Variants in SPIDR observed in about 807,000 individuals in gnomAD.
SPIDR encodes scaffold protein involved in DNA repair, also known as DNA repair-scaffolding protein.
Under a neutral mutation model 104.6 loss-of-function variants are expected in SPIDR, and 93 were observed. That is an observed-to-expected ratio of 0.89 (90% CI 0.75 to 1.06). The LOEUF (loss-of-function observed/expected upper bound fraction) is 1.06. Among genes scored for constraint, SPIDR ranks in the 50% least tolerant of loss-of-function variants. The pLI is 0.00. For synonymous variants in SPIDR, 431 were observed against 416.9 expected (o/e 1.03, Z -0.41); for missense variants, 1,154 against 1,111.2 (o/e 1.04, Z -0.55).
intron 16 of SPIDR, among the ~76,000 whole-genome samples, chr8:47,720,460 G>C (rs548407690): frequency 6.6e-6 from 1 of 152,350 alleles, no homozygotes; most frequent in Admixed American, 6.5e-5. Flanking sequence ...AGCTCCTCTT[G>C]ATCCACATCC....
chr8:47,712,043 C>T (rs11992284), intron 14 of SPIDR, among the ~76,000 whole-genome samples: 3,012 of 152,178 alleles, frequency 0.02, 99 homozygotes, highest in African/African-American at 0.068. Context: ...CATCCTTGGC[C>T]CCATTTGCGT....
chr8:47,349,131 T>C (rs2052864860), intron 5 of SPIDR, among the ~76,000 whole-genome samples: 1 of 152,062 alleles, frequency 6.6e-6, no homozygotes, highest in Non-Finnish European at 1.5e-5. Flanking sequence ...ACAGATGGGG[T>C]TTTAGTGTGG....
intron 11 of SPIDR, among the ~76,000 whole-genome samples, chr8:47,690,467 A>C (rs893642317): frequency 6.7e-6 from 1 of 149,388 alleles, no homozygotes; most frequent in Admixed American, 6.7e-5. Flanking sequence ...TTATTTTTAT[A>C]TAATTTATAT....
At chr8:47,541,137 G>C (rs2088040265) in intron 8 of SPIDR, among the ~76,000 whole-genome samples, 1 of 152,202 alleles carries the variant, frequency 6.6e-6, no homozygotes. Context: ...TGGGATTACA[G>C]GCACGAGCCA....
At chr8:47,684,238 C>T (rs1468796606) in intron 11 of SPIDR, among the ~76,000 whole-genome samples, 1 of 151,230 alleles carries the variant, frequency 6.6e-6, no homozygotes, top group Non-Finnish European at 1.5e-5. Flanking sequence ...GAAGTGTTCT[C>T]AAAAGTGACT....
At chr8:47,387,537 A>G (rs2060097968) in intron 5 of SPIDR, among the ~76,000 whole-genome samples, 1 of 152,318 alleles carries the variant, frequency 6.6e-6, no homozygotes, top group East Asian at 1.9e-4. Context: ...TGAATTGAAT[A>G]TCAAGGGACT....
chr8:47,689,495 T>C (rs1010097155), intron 11 of SPIDR, among the ~76,000 whole-genome samples: 3 of 152,234 alleles, frequency 2.0e-5, no homozygotes, highest in African/African-American at 7.2e-5. Flanking sequence ...GATGAGGAGC[T>C]TGAAGCTCAT....
chr8:47,713,515 G>C lies in SPIDR; in HGVS notation c.2215G>C (p.Val739Leu), dbSNP rs1264092678. The C allele has an allele frequency of 1.9e-6, 3 of 1,614,152 alleles. No homozygotes were observed. The Admixed American group carries it at 5.0e-5, about 27-fold the overall frequency. ...TCGGATTGTTTGTGCTGAACGAACT[G>C]TCCTCTTGCTTCAGAAGCCCCTTTT... Reference protein sequence around the residue: ...QGRIVCAERTVLLLQKPLLSV... With the variant: ...QGRIVCAERTLLLLQKPLLSV... Residue 739 changes from valine (V) to leucine (L), a missense_variant, in exon 16 of 20, where the codon GTC (valine) becomes CTC (leucine). Coordinates refer to ENST00000297423, the MANE Select transcript of SPIDR (RefSeq NM_001080394.4).
chr8:47,700,450 T>A lies in SPIDR; in HGVS notation c.1733T>A (p.Ile578Lys). ...ATTGACACCCTGTGGCCCCCAGCGA[T>A]ACCTCTGAAAACACCTGGCCGCGAC... ...SLIDTLWPPAIPLKTPGRDQP... is the reference protein window; with the variant it reads ...SLIDTLWPPAKPLKTPGRDQP... The change falls in exon 12 of 20, where the codon ATA becomes AAA. Residue 578 changes from isoleucine (I) to lysine (K), a missense_variant. Physicochemically the swap from Ile to Lys is moderately radical, Grantham distance 102 (BLOSUM62 -3). Coordinates refer to ENST00000297423, the MANE Select transcript of SPIDR (RefSeq NM_001080394.4). The A allele has an allele frequency of 6.2e-7, 1 of 1,614,228 alleles. No homozygotes were observed. Among genetic ancestry groups the A allele is most frequent in the Non-Finnish European group, 8.5e-7 (1 of 1,180,050 alleles).
intron 10 of SPIDR, among the ~76,000 whole-genome samples, chr8:47,610,977 A>T (rs928498451): frequency 6.6e-6 from 1 of 152,236 alleles, no homozygotes; most frequent in Non-Finnish European, 1.5e-5. Context: ...ACCATAAATA[A>T]GTCCTCAGAG....
At chr8:47,653,832 A>G (rs1437824309) in intron 10 of SPIDR, 1 of 266,294 alleles carries the variant, frequency 3.8e-6, no homozygotes, top group Non-Finnish European at 5.8e-6. Flanking sequence ...ATTATAATAC[A>G]TAGTAAATGT....
chr8:47,434,871 G>T (rs2068002493), intron 7 of SPIDR, among the ~76,000 whole-genome samples: 1 of 152,122 alleles, frequency 6.6e-6, no homozygotes, highest in African/African-American at 2.4e-5. Context: ...CTGACTACCT[G>T]TATATTTCAA....
intron 10 of SPIDR, among the ~76,000 whole-genome samples, chr8:47,631,184 A>G (rs2067019140): frequency 1.3e-5 from 2 of 152,202 alleles, no homozygotes; most frequent in Non-Finnish European, 1.5e-5. Flanking sequence ...GCCCTGCCTC[A>G]TGCAACCCAT....
At chr8:47,564,302 C>G (rs891137467) in intron 8 of SPIDR, among the ~76,000 whole-genome samples, 3 of 152,044 alleles carry the variant, frequency 2.0e-5, no homozygotes, top group African/African-American at 4.8e-5. Context: ...TGGTCTCGAT[C>G]TCTTGACTTT....
In SPIDR at chr8:47,426,736, T is replaced by A. The variant is rs528887944; in HGVS notation, c.878-13587T>A. On this transcript the variant is annotated intron_variant, in intron 7 of 19. Coordinates refer to ENST00000297423, the MANE Select transcript of SPIDR (RefSeq NM_001080394.4). ...GCCTCACCAGAAGGGAAAAGAAGTG[T>A]GAGAGAGGGAGAGGAAGGTGGTAGA... 1.3e-4 allele frequency among the ~76,000 whole-genome samples: 20 copies of A among 152,258 alleles called. No homozygotes were observed. In the South Asian group the frequency reaches 4.1e-3, roughly 32 times the overall value.
chr8:47,405,798 CAT>C (rs782654695), intron 6 of SPIDR, among the ~76,000 whole-genome samples: 2 of 152,072 alleles, frequency 1.3e-5, no homozygotes, highest in Non-Finnish European at 2.9e-5. Context: ...TTTTTTTTAA[CAT>C]GAGATATGTT....
intron 3 of SPIDR, among the ~76,000 whole-genome samples, 187 bp from the exon 4 acceptor site, chr8:47,290,846 G>A (rs1554568286): frequency 0.016 from 2,473 of 152,098 alleles, 65 homozygotes; most frequent in African/African-American, 0.057. Flanking sequence ...ACTTGGCTTC[G>A]AACTCAGAGA....
chr8:47,267,211 G>A (rs182885892), intron 1 of SPIDR, among the ~76,000 whole-genome samples: 10 of 151,800 alleles, frequency 6.6e-5, no homozygotes, highest in South Asian at 2.1e-4. Flanking sequence ...ATTGAGATCC[G>A]GTCTCATTAT....
Position 47,491,470 on chromosome 8 carries a change from C to CTATATA in SPIDR, c.1097+50941_1097+50946dup, listed in dbSNP as rs151328501. Among the ~76,000 whole-genome samples, 3 of 146,360 alleles carry CTATATA rather than the reference C, an allele frequency of 2.0e-5. 1 individual carries two copies. Among genetic ancestry groups the CTATATA allele is most frequent in the South Asian group, 4.3e-4 (2 of 4,610 alleles). On this transcript the variant is annotated intron_variant, in intron 8 of 19. Coordinates refer to ENST00000297423, the MANE Select transcript of SPIDR (RefSeq NM_001080394.4). Reference sequence around the variant, plus strand: ...ATATCAGTAGCCACAGTGACCACAACTATATATATATATATATAGTTCATG... The same window carrying CTATATA: ...ATATCAGTAGCCACAGTGACCACAACTATATATATATATATATATATATAGTTCATG...
Sources: allele counts gnomAD v4.1 joint callset (sites outside exome capture counted in the v4.1 genomes callset), GRCh38; gene constraint gnomAD v4.1.1; transcripts MANE v1.5; gene names NCBI Gene and HGNC (gene_info 2026-07-23, HGNC 2026-07-21).